The following RBFOX1 variants were observed in gnomAD, a reference collection of about 807,000 sequenced individuals.
RBFOX1 encodes the protein RNA binding protein fox-1 homolog 1.
RBFOX1 carries 8 observed loss-of-function variants against 57.7 expected under a neutral mutation model. The ratio of observed to expected loss-of-function variants is 0.14; its 90% CI spans 0.08 to 0.25. The LOEUF (loss-of-function observed/expected upper bound fraction) is 0.25. Ranked by LOEUF, RBFOX1 falls within the 10% of genes least tolerant of loss-of-function variation. RBFOX1 has a pLI of 1.00. For synonymous variants in RBFOX1, 326 were observed against 222.4 expected, an observed-to-expected ratio of 1.47 and a Z score of -4.15; for missense variants, 611 against 548.5, an observed-to-expected ratio of 1.11 and a Z score of -1.14.
chr16:7,019,635 T>C (rs1259756712), intron 3 of RBFOX1, among the ~76,000 whole-genome samples: 1 of 126,678 alleles, frequency 7.9e-6, no homozygotes, highest in African/African-American at 4.5e-5. Context: ...TGATCAGGGC[T>C]GTGATTCCTA....
At chr16:6,730,926 C>A (rs906305937) in intron 3 of RBFOX1, among the ~76,000 whole-genome samples, 6 of 152,126 alleles carry the variant, frequency 3.9e-5, no homozygotes, top group Non-Finnish European at 5.9e-5. Flanking sequence ...CTATCTTTGA[C>A]AGGTTCCCCA....
rs140028481 is a variant in RBFOX1 at position 7,419,147 on chromosome 16, G to C, written c.28-99000G>C. On this transcript the variant is annotated intron_variant, in intron 4 of 15. Transcript: ENST00000550418. Reference sequence around the variant, plus strand: ...GGTCTGGAACTCCTGGGCTCAAGCAGTTCACCCACCGTGGCCTCCCAAAGT... The same window carrying C: ...GGTCTGGAACTCCTGGGCTCAAGCACTTCACCCACCGTGGCCTCCCAAAGT... Among the ~76,000 whole-genome samples, 602 of 152,148 alleles carry C rather than the reference G, an allele frequency of 4.0e-3. 12 individuals are homozygous for C. The highest frequency in any genetic ancestry group is 0.025 in the Admixed American group (378 of 15,268).
chr16:5,241,998 C>T (rs1431390827), intron 1 of RBFOX1, among the ~76,000 whole-genome samples: 1 of 151,764 alleles, frequency 6.6e-6, no homozygotes, highest in Non-Finnish European at 1.5e-5. Context: ...GCCTGCAGTC[C>T]CAAGTACTTG....
intron 4 of RBFOX1, among the ~76,000 whole-genome samples, chr16:5,887,862 C>A (rs972853301): frequency 1.3e-5 from 2 of 152,130 alleles, no homozygotes; most frequent in Non-Finnish European, 2.9e-5. Context: ...TGCATACCTG[C>A]TGAGTTACAG....
chr16:7,589,518 G>C (rs1183836698), intron 7 of RBFOX1, among the ~76,000 whole-genome samples: 3 of 151,466 alleles, frequency 2.0e-5, no homozygotes, highest in African/African-American at 7.3e-5. Flanking sequence ...TTATTCTTTT[G>C]GTTTAGGAAA....
rs190179039 is a variant in RBFOX1, at chr16:5,988,817, A to G, written c.351+121482A>G. Among the ~76,000 whole-genome samples, 4 of 152,272 alleles carry G rather than the reference A, an allele frequency of 2.6e-5. No individual in the cohort carries two copies. In the East Asian group the frequency reaches 5.8e-4, roughly 22 times the overall value. Reference sequence around the variant, plus strand: ...TAAATATAAAATTCAGCTTAAATGCATAGTGATAGTTAACCAAGACTCAGA... The same window carrying G: ...TAAATATAAAATTCAGCTTAAATGCGTAGTGATAGTTAACCAAGACTCAGA... On this transcript the variant is annotated intron_variant, in intron 4 of 19. Coordinates refer to the RBFOX1 transcript ENST00000641259.
intron 4 of RBFOX1, among the ~76,000 whole-genome samples, chr16:7,054,213 C>CG (rs71147642): frequency 0.038 from 677 of 17,824 alleles, 102 homozygotes; most frequent in African/African-American, 0.12. Flanking sequence ...TTTTTTTTTT[C>CG]GGGGGGGGGG....
At chr16:5,729,999 C>T (rs1272370942) in intron 3 of RBFOX1, among the ~76,000 whole-genome samples, 1 of 152,170 alleles carries the variant, frequency 6.6e-6, no homozygotes, top group African/African-American at 2.4e-5. Flanking sequence ...TCCATGCCCG[C>T]AAAGGGGGTG....
chr16:7,158,557 C>G (rs1377155693), intron 4 of RBFOX1, among the ~76,000 whole-genome samples: 4 of 151,756 alleles, frequency 2.6e-5, no homozygotes, highest in Non-Finnish European at 1.5e-5. Context: ...GTATCTATGT[C>G]TGTGTGGTGT....
intron 2 of RBFOX1, among the ~76,000 whole-genome samples, chr16:6,513,183 A>G (rs2096289125): frequency 6.6e-6 from 1 of 152,170 alleles, no homozygotes; most frequent in African/African-American, 2.4e-5. Context: ...CTGTAAACTC[A>G]TGAGAGTAAG....
intron 4 of RBFOX1, among the ~76,000 whole-genome samples, chr16:5,941,579 C>T (rs1425572833): frequency 2.0e-5 from 3 of 151,916 alleles, no homozygotes; most frequent in Non-Finnish European, 2.9e-5. Flanking sequence ...TTACTTTGCA[C>T]ATAAGTATTT....
intron 12 of RBFOX1, among the ~76,000 whole-genome samples, chr16:7,658,177 CA>C (rs1201901539): frequency 6.6e-6 from 1 of 152,078 alleles, no homozygotes; most frequent in Non-Finnish European, 1.5e-5. Flanking sequence ...CTTTATTAAC[CA>C]CCCACAGTCT....
intron 3 of RBFOX1, among the ~76,000 whole-genome samples, chr16:5,808,364 C>G (rs1048995757): frequency 6.6e-6 from 1 of 152,160 alleles, no homozygotes; most frequent in African/African-American, 2.4e-5. Context: ...ATGCCTCCAG[C>G]TATGTTCTTT....
intron 1 of RBFOX1, among the ~76,000 whole-genome samples, chr16:5,361,419 T>G (rs2065548277): frequency 6.6e-6 from 1 of 152,176 alleles, no homozygotes; most frequent in South Asian, 2.1e-4. Context: ...TAAAGCTTTG[T>G]TTTTTTGACC....
intron 4 of RBFOX1, among the ~76,000 whole-genome samples, chr16:7,228,744 C>T (rs2093308428): frequency 6.6e-6 from 1 of 152,136 alleles, no homozygotes; most frequent in African/African-American, 2.4e-5. Flanking sequence ...GTGAAATGTG[C>T]AAGAGGTTAA....
intron 3 of RBFOX1, among the ~76,000 whole-genome samples, chr16:6,726,855 T>G (rs12920232): frequency 0.21 from 31,373 of 151,946 alleles, 3,439 homozygotes; most frequent in East Asian, 0.42. Context: ...GTGGGATGAT[T>G]TGGGGGTGGC....
At chr16:6,554,232 A>G (rs1016143445) in intron 2 of RBFOX1, among the ~76,000 whole-genome samples, 1 of 152,212 alleles carries the variant, frequency 6.6e-6, no homozygotes, top group African/African-American at 2.4e-5. Context: ...GTAAGAACCA[A>G]TGGAGAAAGA....
chr16:6,833,182 C>A (rs1346101357), intron 3 of RBFOX1, among the ~76,000 whole-genome samples: 1 of 150,740 alleles, frequency 6.6e-6, no homozygotes, highest in African/African-American at 2.4e-5. Context: ...TATTTATTTA[C>A]TGAGACGGGG....
intron 1 of RBFOX1, among the ~76,000 whole-genome samples, chr16:6,278,563 C>T (rs369302420): frequency 6.6e-6 from 1 of 151,946 alleles, no homozygotes; most frequent in Admixed American, 6.6e-5. Context: ...TTCCCCTTAT[C>T]TCTGAATTTC....
Sources: allele counts gnomAD v4.1 joint callset (sites outside exome capture counted in the v4.1 genomes callset), GRCh38; gene constraint gnomAD v4.1.1; transcripts MANE v1.5; gene names NCBI Gene and HGNC (gene_info 2026-07-23, HGNC 2026-07-21).